Variants in PLD1 observed in about 807,000 individuals in gnomAD.
The protein encoded by PLD1 is choline phosphatase 1.
A neutral mutation model predicts 137.1 loss-of-function variants in PLD1; 112 were observed. That is an observed-to-expected ratio of 0.82 (90% CI 0.70 to 0.96). The LOEUF (loss-of-function observed/expected upper bound fraction) is 0.96, where lower values mean the gene tolerates loss of function less well. Ranked by LOEUF, PLD1 falls within the 40% of genes least tolerant of loss-of-function variation. The pLI is 0.00. For synonymous variants in PLD1, 431 were observed against 454.7 expected, an observed-to-expected ratio of 0.95 and a Z score of 0.66; for missense variants, 1,321 against 1,342.0, an observed-to-expected ratio of 0.98 and a Z score of 0.24.
chr3:171,722,441 A>C (rs1414230242), intron 8 of PLD1, among the ~76,000 whole-genome samples: 1 of 152,192 alleles, frequency 6.6e-6, no homozygotes, highest in Admixed American at 6.5e-5. Flanking sequence ...TCATTGGCCC[A>C]AAAATAAACC....
intron 22 of PLD1, 94 bp from the exon 23 acceptor site, chr3:171,642,983 C>T (rs1180682544): frequency 1.1e-5 from 8 of 727,216 alleles, no homozygotes; most frequent in African/African-American, 1.8e-5. Flanking sequence ...CAAGTAAAAA[C>T]AGAACAAGTG....
intron 23 of PLD1, among the ~76,000 whole-genome samples, chr3:171,639,871 A>G (rs1329478002): frequency 1.0e-5 from 1 of 98,582 alleles, no homozygotes; most frequent in South Asian, 2.9e-4. Flanking sequence ...TATATCTCCT[A>G]TTGGTTCTGT....
chr3:171,678,788 CAATCTATCT>C (rs1356313328), intron 16 of PLD1, among the ~76,000 whole-genome samples: 1 of 152,166 alleles, frequency 6.6e-6, no homozygotes, highest in Non-Finnish European at 1.5e-5. Context: ...AAACTGGTGC[CAATCTATCT>C]TTCTAGTCCT....
intron 12 of PLD1, among the ~76,000 whole-genome samples, chr3:171,696,566 C>T (rs1715714842): frequency 6.6e-6 from 1 of 152,050 alleles, no homozygotes; most frequent in South Asian, 2.1e-4. Flanking sequence ...TTTAATAAAC[C>T]TTGTGGACCT....
At position 171,677,607 on chromosome 3, in the gene PLD1, A is replaced by G. The variant is rs746047477; in HGVS notation, c.1955T>C (p.Phe652Ser). The G allele has an allele frequency of 1.2e-6, 2 of 1,614,114 alleles. No homozygotes were observed. Among genetic ancestry groups the G allele is most frequent in the Non-Finnish European group, 8.5e-7 (1 of 1,179,938 alleles). ...RFWHGKDYCN[F>S]VFKDWVQLDK... is the part of the protein sequence containing the mutation. ...AAGTTGAACCCAGTCTTTGAAGACG[A>G]AATTGCAGTAGTCCTTTCCATGCCA... is the stretch of plus-strand genomic sequence containing the variant. The change falls in exon 17 of 27, where the codon TTC becomes TCC. Residue 652 changes from phenylalanine to serine, a missense_variant. By Grantham distance (155) the Phe-to-Ser change is radical. Coordinates refer to ENST00000351298, the MANE Select transcript of PLD1 (RefSeq NM_002662.5).
In PLD1 at chr3:171,605,766, C is replaced by T. The variant is rs771738844; in HGVS notation, c.2883-350G>A. ...TGTGGTAGGCGGGACAGATGATTCT[C>T]ATTCTGTAGATAGGAAACTAAAGTC... is the stretch of plus-strand genomic sequence containing the variant. On this transcript the variant is annotated intron_variant, in intron 25 of 26. Coordinates refer to ENST00000351298, the MANE Select transcript of PLD1 (RefSeq NM_002662.5). Among the ~76,000 whole-genome samples, 22 of 152,254 alleles carry T rather than the reference C, an allele frequency of 1.4e-4. No individual in the cohort carries two copies. In the Middle Eastern group the frequency reaches 0.01, roughly 71 times the overall value.
chr3:171,658,434 A>G (rs1235827611), intron 21 of PLD1, among the ~76,000 whole-genome samples: 1 of 152,224 alleles, frequency 6.6e-6, no homozygotes, highest in Non-Finnish European at 1.5e-5. Flanking sequence ...GGATAAATAC[A>G]ATGTGGTATA....
intron 1 of PLD1, among the ~76,000 whole-genome samples, chr3:171,757,731 G>A (rs1560282068): frequency 6.6e-6 from 1 of 152,160 alleles, no homozygotes; most frequent in Non-Finnish European, 1.5e-5. Flanking sequence ...ATAAAGAAAC[G>A]AAACAAAACA....
intron 11 of PLD1, among the ~76,000 whole-genome samples, chr3:171,708,211 A>T (rs1716848066): frequency 6.6e-6 from 1 of 152,224 alleles, no homozygotes. Flanking sequence ...TTCCGATATG[A>T]GGCTTCTGGT....
intron 1 of PLD1, among the ~76,000 whole-genome samples, chr3:171,779,936 G>A (rs1722731059): frequency 6.6e-6 from 1 of 151,724 alleles, no homozygotes; most frequent in Admixed American, 6.6e-5. Flanking sequence ...GGAGACGTAA[G>A]TCTGAGATTC....
chr3:171,755,637 C>A (rs1720971799), intron 1 of PLD1, among the ~76,000 whole-genome samples: 1 of 152,194 alleles, frequency 6.6e-6, no homozygotes, highest in African/African-American at 2.4e-5. Context: ...AAAATACATG[C>A]TGATGTTTCC....
At chr3:171,698,128 T>C (rs1295440524) in intron 12 of PLD1, among the ~76,000 whole-genome samples, 1 of 152,160 alleles carries the variant, frequency 6.6e-6, no homozygotes, top group Non-Finnish European at 1.5e-5. Flanking sequence ...TACTGCCCAT[T>C]CAATAGGTAG....
chr3:171,677,813 G>A (rs1713544375), intron 16 of PLD1, 119 bp from the exon 17 acceptor site: 5 of 972,432 alleles, frequency 5.1e-6, no homozygotes, highest in South Asian at 3.4e-5. Flanking sequence ...CACAACTAGG[G>A]TGGCATCTGT....
At chr3:171,606,783 G>A (rs1732241243) in intron 25 of PLD1, among the ~76,000 whole-genome samples, 1 of 152,110 alleles carries the variant, frequency 6.6e-6, no homozygotes, top group South Asian at 2.1e-4. Flanking sequence ...GGACTTTTGG[G>A]TAATTTCCAA....
At chr3:171,722,574 A>T (rs1447444525) in intron 8 of PLD1, among the ~76,000 whole-genome samples, 1 of 152,184 alleles carries the variant, frequency 6.6e-6, no homozygotes, top group African/African-American at 2.4e-5. Flanking sequence ...ATGATAAAAC[A>T]TGTGCCTTTT....
At chr3:171,758,508 G>C (rs1416081394) in intron 1 of PLD1, among the ~76,000 whole-genome samples, 2 of 152,168 alleles carry the variant, frequency 1.3e-5, no homozygotes, top group Admixed American at 6.5e-5. Flanking sequence ...GTGGTCCATG[G>C]ACTAGCCTCG....
At chr3:171,739,623 T>C (rs1424747097) in intron 1 of PLD1, among the ~76,000 whole-genome samples, 1 of 152,250 alleles carries the variant, frequency 6.6e-6, no homozygotes, top group African/African-American at 2.4e-5. Flanking sequence ...GATAATTGTT[T>C]ACATACATTG....
chr3:171,809,999 T>A (rs1053603812), intron 1 of PLD1: 1 of 152,362 alleles, frequency 6.6e-6, no homozygotes. Flanking sequence ...AGCCCAGTCA[T>A]GCCACCGCGC....
At chr3:171,676,415 G>A (rs1486076661) in intron 18 of PLD1, among the ~76,000 whole-genome samples, 2 of 152,008 alleles carry the variant, frequency 1.3e-5, no homozygotes, top group East Asian at 1.9e-4. Context: ...ACCGAGCCCA[G>A]GCTACTAAAT....
Sources: allele counts gnomAD v4.1 joint callset (sites outside exome capture counted in the v4.1 genomes callset), GRCh38; gene constraint gnomAD v4.1.1; transcripts MANE v1.5; gene names NCBI Gene and HGNC (gene_info 2026-07-23, HGNC 2026-07-21).